PGM2: variants seen among roughly 807,000 people sequenced by gnomAD.
The protein encoded by PGM2 is phosphopentomutase.
In PGM2, 57 loss-of-function variants were observed where a neutral mutation model predicts 74.6. The observed-to-expected ratio is 0.76, with a 90% confidence interval of 0.62 to 0.95. PGM2 has a LOEUF of 0.95. PGM2 is among the 40% of genes least tolerant of loss of function. The pLI is 0.00. For synonymous variants in PGM2, 273 were observed against 260.7 expected (o/e 1.05, Z -0.46); for missense variants, 706 against 741.9 (o/e 0.95, Z 0.56).
chr4:37,832,933 A>T (rs537787961), intron 2 of PGM2, among the ~76,000 whole-genome samples: 37 of 151,952 alleles, frequency 2.4e-4, no homozygotes, highest in Non-Finnish European at 4.9e-4. Flanking sequence ...TCCCTTGGCC[A>T]TTCTTTCAGG....
chr4:37,855,485 G>A (rs6531590), intron 12 of PGM2, 123 bp from the exon 13 acceptor site: 608,239 of 812,692 alleles, frequency 0.75, 229,312 homozygotes, highest in African/African-American at 0.87. Context: ...ATTTCCTCCA[G>A]AATGTTTTTC....
chr4:37,834,180 A>T (rs1272403286), intron 2 of PGM2, among the ~76,000 whole-genome samples: 1 of 152,132 alleles, frequency 6.6e-6, no homozygotes, highest in African/African-American at 2.4e-5. Flanking sequence ...AAAAATTTTT[A>T]AAAATTAGTT....
chr4:37,847,043 A>G lies in PGM2; in HGVS notation c.1120A>G (p.Met374Val), dbSNP rs755229310. Residue 374 changes from methionine to valine, a missense_variant, in exon 9 of 14, where the codon ATG becomes GTG. Transcript: ENST00000381967. ...QDRSALKDTY[M>V]LSSTVSSKIL... ...TCGCAGTGCTCTCAAAGACACGTAC[A>G]TGTTGTCCAGCACCGTCTCCTCCAA... is the stretch of plus-strand genomic sequence containing the variant. 2.5e-6 allele frequency: 4 copies of G among 1,613,814 alleles called. No homozygotes were observed. The highest frequency in any genetic ancestry group is 3.4e-6 in the Non-Finnish European group (4 of 1,179,746).
rs773740070 is a variant in PGM2, at chr4:37,843,610, A to AT, written c.720-741dup. Among the ~76,000 whole-genome samples the AT allele has an allele frequency of 2.7e-3, 370 of 137,048 alleles. 1 individual carries two copies. Among genetic ancestry groups the AT allele is most frequent in the South Asian group, 5.0e-3 (22 of 4,434 alleles). The allele number at this position is 137,048 out of a possible 152,430, so 89.9% of individuals were successfully genotyped here. On this transcript the variant is annotated intron_variant, in intron 6 of 13. Transcript: ENST00000381967. ...AAAGTTTTATTTATTTATTATTATT[A>AT]TTTTTTTTTTTTTCCTGAGACGGAG...
chr4:37,839,487 G>A (rs1725649088), intron 4 of PGM2: 1 of 460,434 alleles, frequency 2.2e-6, no homozygotes, highest in South Asian at 1.6e-5. Context: ...GTTGGAGGGA[G>A]TAAACTGAAT....
chr4:37,850,272 G>C lies in PGM2; in HGVS notation c.1501G>C (p.Asp501His). ...KKLFENLRNY[D>H]GKNNYPKACG... ...ATTATTTGAAAACCTCAGAAACTAC[G>C]ATGGAAAAAATAATTATCCAAAAGC... The change falls in exon 12 of 14, where the codon GAT becomes CAT. Residue 501 changes from aspartate (D) to histidine (H), a missense_variant. Transcript: ENST00000381967. 1 of 1,585,726 alleles carries C rather than the reference G, an allele frequency of 6.3e-7. No homozygotes were observed.
intron 3 of PGM2, among the ~76,000 whole-genome samples, chr4:37,836,530 T>C (rs1281231327): frequency 1.3e-5 from 2 of 152,192 alleles, no homozygotes; most frequent in Admixed American, 1.3e-4. Flanking sequence ...CATTTTTTTG[T>C]GCACATTTGT....
intron 4 of PGM2, among the ~76,000 whole-genome samples, chr4:37,838,081 A>T (rs972937756): frequency 3.9e-5 from 6 of 152,108 alleles, no homozygotes; most frequent in Non-Finnish European, 8.8e-5. Flanking sequence ...AGGTTTCACC[A>T]CGTTGGCCAC....
intron 8 of PGM2, among the ~76,000 whole-genome samples, 193 bp from the exon 9 acceptor site, chr4:37,846,738 G>A (rs1239381460): frequency 1.3e-5 from 2 of 152,180 alleles, no homozygotes; most frequent in South Asian, 2.1e-4. Flanking sequence ...GATATATATG[G>A]TAGCTGCTCA....
chr4:37,854,627 G>A (rs1320748372), intron 12 of PGM2, among the ~76,000 whole-genome samples: 2 of 151,400 alleles, frequency 1.3e-5, no homozygotes, highest in African/African-American at 4.9e-5. Context: ...CAAAGTGCTG[G>A]TATTACAGGC....
In PGM2 at chr4:37,837,568, G is replaced by A. The variant is rs948901100; in HGVS notation, c.396G>A (p.Gly132=). ...RLAATTFISQ[G]IPVYLFSDIT... ...CTGCAACCACATTTATCAGTCAGGG[G>A]ATTCCTGTGTACCTCTTTTCTGATA... The change falls in exon 4 of 14, where the codon GGG becomes GGA. Residue 132 remains glycine (G), a synonymous_variant. Transcript: ENST00000381967. The A allele has an allele frequency of 2.5e-6, 4 of 1,613,334 alleles. No individual in the cohort carries two copies. In the African/African-American group the frequency reaches 5.3e-5, roughly 22 times the overall value.
intron 8 of PGM2, among the ~76,000 whole-genome samples, chr4:37,846,644 A>G (rs1725879812): frequency 6.6e-6 from 1 of 152,224 alleles, no homozygotes; most frequent in Non-Finnish European, 1.5e-5. Flanking sequence ...GCCAAAGATT[A>G]ATATAGAGCC....
chr4:37,841,158 T>TTGTGTGTGTGTGTGTGTGTGTGTGTG (rs34512739), intron 6 of PGM2, among the ~76,000 whole-genome samples: 1 of 101,454 alleles, frequency 9.9e-6, no homozygotes, highest in African/African-American at 5.4e-5. Context: ...ATAGGAATAT[T>TTGTGTGTGTGTGTGTGTGTGTGTGTG]TGTGTGTGTG....
intron 8 of PGM2, among the ~76,000 whole-genome samples, chr4:37,846,528 C>G (rs915829165): frequency 2.0e-5 from 3 of 152,212 alleles, no homozygotes; most frequent in Non-Finnish European, 4.4e-5. Context: ...GCTGTCCCCT[C>G]TCAGAATCAG....
At chr4:37,851,385 C>T (rs1336184607) in intron 12 of PGM2, among the ~76,000 whole-genome samples, 2 of 152,248 alleles carry the variant, frequency 1.3e-5, no homozygotes, top group East Asian at 3.8e-4. Flanking sequence ...TGTATTGGAG[C>T]TGTTGGCTGT....
intron 12 of PGM2, among the ~76,000 whole-genome samples, chr4:37,851,979 TGGAGACAGGGTC>T (rs1726053698): frequency 6.7e-6 from 1 of 149,550 alleles, no homozygotes; most frequent in Non-Finnish European, 1.5e-5. Context: ...TCTTTTTTTT[TGGAGACAGGGTC>T]TTGCTGTGTG....
intron 12 of PGM2, 140 bp downstream of exon 12, chr4:37,850,513 T>C (rs1389477045): frequency 3.5e-5 from 19 of 540,140 alleles, no homozygotes; most frequent in Non-Finnish European, 5.8e-5. Flanking sequence ...ATAAAAAATA[T>C]ATGGAAGCCG....
At chr4:37,845,792 A>G (rs1725856089) in intron 8 of PGM2, 62 bp downstream of exon 8, 1 of 1,094,814 alleles carries the variant, frequency 9.1e-7, no homozygotes, top group Non-Finnish European at 1.4e-6. Context: ...TTCATTGGTA[A>G]AATGTTTCTG....
Position 37,840,123 on chromosome 4 carries a change from G to A in PGM2, c.583G>A (p.Ala195Thr). The change falls in exon 6 of 14, where the codon GCT (alanine) becomes ACT (threonine). Residue 195 changes from alanine to threonine, a missense_variant. Ala to Thr is a moderately conservative substitution (Grantham distance 58, BLOSUM62 0). This residue lies in a region of PGM2 where 332 missense variants were observed against 334.9 expected (regional missense o/e 0.99). Coordinates refer to ENST00000381967, the MANE Select transcript of PGM2 (RefSeq NM_018290.4). ...TCCTCACGATAAAGGGATTTCTCAAGCTATTGAAGAAAATCTAGAACCGTG... is the reference window on the plus strand; with the variant it reads ...TCCTCACGATAAAGGGATTTCTCAAACTATTGAAGAAAATCTAGAACCGTG... ...ISPHDKGISQ[A>T]IEENLEPWPQ... 1.2e-6 allele frequency: 2 copies of A among 1,613,964 alleles called. No individual in the cohort carries two copies. Among genetic ancestry groups the A allele is most frequent in the Non-Finnish European group, 1.7e-6 (2 of 1,179,862 alleles).
Sources: gnomAD v4.1 joint callset for allele counts (sites outside exome capture counted in the v4.1 genomes callset) on GRCh38, gnomAD v4.1.1 for gene constraint, gnomAD v4.1.1 regional missense constraint, MANE v1.5 for transcripts, NCBI Gene and HGNC (gene_info 2026-07-23, HGNC 2026-07-21) for gene names.